Variants in PCCA observed in about 807,000 individuals in gnomAD.
PCCA encodes the protein propionyl-CoA carboxylase alpha chain, mitochondrial.
Under a neutral mutation model 101.3 loss-of-function variants are expected in PCCA, and 74 were observed. The observed-to-expected ratio is 0.73, with a 90% CI of 0.61 to 0.89. The LOEUF is 0.89. PCCA is among the 40% of genes least tolerant of loss of function. The probability of loss-of-function intolerance (pLI) is 0.00; values close to 1 mark genes in which losing one functional copy is unlikely to be tolerated. For missense variants in PCCA, 891 were observed against 907.0 expected, an observed-to-expected ratio of 0.98 and a Z score of 0.23; for synonymous variants, 294 against 313.6, an observed-to-expected ratio of 0.94 and a Z score of 0.66.
intron 6 of PCCA, among the ~76,000 whole-genome samples, chr13:100,185,724 C>T (rs932386174): frequency 4.6e-5 from 7 of 151,536 alleles, no homozygotes; most frequent in Non-Finnish European, 1.0e-4. Context: ...CTCGGCTCAC[C>T]GCAGCCTCCA....
At chr13:100,472,558 C>T (rs1277214018) in intron 21 of PCCA, among the ~76,000 whole-genome samples, 1 of 152,146 alleles carries the variant, frequency 6.6e-6, no homozygotes, top group Admixed American at 6.6e-5. Flanking sequence ...ACAGGGGAAC[C>T]ACCAGTGTGG....
At chr13:100,395,288 T>A (rs1384888208) in intron 19 of PCCA, among the ~76,000 whole-genome samples, 1 of 152,220 alleles carries the variant, frequency 6.6e-6, no homozygotes, top group African/African-American at 2.4e-5. Flanking sequence ...ATCTGTAGGC[T>A]TATATTTCTG....
At chr13:100,314,888 A>G (rs1056714359) in intron 16 of PCCA, among the ~76,000 whole-genome samples, 1 of 152,204 alleles carries the variant, frequency 6.6e-6, no homozygotes, top group Non-Finnish European at 1.5e-5. Flanking sequence ...AAGGGTCATA[A>G]GTGGGACAAT....
chr13:100,176,505 A>G (rs538794795), intron 6 of PCCA, among the ~76,000 whole-genome samples: 22 of 152,300 alleles, frequency 1.4e-4, no homozygotes, highest in African/African-American at 4.8e-4. Context: ...TGTTTGTATG[A>G]TACATCTACC....
At chr13:100,409,216 C>G (rs1199400470) in intron 19 of PCCA, among the ~76,000 whole-genome samples, 1 of 152,090 alleles carries the variant, frequency 6.6e-6, no homozygotes, top group Non-Finnish European at 1.5e-5. Context: ...CAGTTTCCTC[C>G]ACCCTCAGAA....
At chr13:100,529,806 G>C (rs556322953) in intron 23 of PCCA, among the ~76,000 whole-genome samples, 1 of 152,284 alleles carries the variant, frequency 6.6e-6, no homozygotes, top group Admixed American at 6.5e-5. Context: ...GTGCCAGAGC[G>C]CAGGCCACAG....
In PCCA at chr13:100,392,346, C is replaced by G. The variant is rs148038918; in HGVS notation, c.1746+23772C>G. ...CAGGCAGATATGCGTTGACAATTGC[C>G]TTTCATACACCTTAACAAACTAGTT... is the stretch of plus-strand genomic sequence containing the variant. On this transcript the variant is annotated intron_variant, in intron 19 of 23. Transcript: ENST00000376285. Among the ~76,000 whole-genome samples the G allele has an allele frequency of 1.9e-3, 283 of 152,264 alleles. 3 individuals are homozygous for G. Among genetic ancestry groups the G allele is most frequent in the African/African-American group, 6.4e-3 (268 of 41,552 alleles).
At position 100,437,248 on chromosome 13, in the gene PCCA, G is replaced by A. The variant is rs78704333; in HGVS notation, c.1845+11517G>A. On this transcript the variant is annotated intron_variant, in intron 20 of 23. Coordinates refer to ENST00000376285, the MANE Select transcript of PCCA (RefSeq NM_000282.4). ...AACCACCCGCACCTGCTTTAAGTAC[G>A]CTGCCTTTCTGACTTCAAGAAAATC... 3.7e-3 allele frequency among the ~76,000 whole-genome samples: 556 copies of A among 152,202 alleles called. 5 individuals carry two copies. The highest frequency in any genetic ancestry group is 0.013 in the African/African-American group (534 of 41,528).
chr13:100,264,173 G>A lies in PCCA; in HGVS notation c.819+1342G>A, dbSNP rs145586754. ...CGTATATATATGGTATCTGTATATC[G>A]TATATATGTGATATCTGTATATCAT... On this transcript the variant is annotated intron_variant, in intron 10 of 23. Coordinates refer to ENST00000376285, the MANE Select transcript of PCCA (RefSeq NM_000282.4). Among the ~76,000 whole-genome samples, 568 of 103,440 alleles carry A rather than the reference G, an allele frequency of 5.5e-3. 117 individuals carry two copies. Among genetic ancestry groups the A allele is most frequent in the African/African-American group, 0.019 (549 of 28,802 alleles). The allele number at this position is 103,440 out of a possible 152,430, so 67.9% of individuals were successfully genotyped here.
At chr13:100,504,391 G>A (rs1998467) in intron 21 of PCCA, among the ~76,000 whole-genome samples, 35,716 of 152,164 alleles carry the variant, frequency 0.23, 5,038 homozygotes, top group East Asian at 0.55. Context: ...CACTTCCAGT[G>A]GAGAGAGTCA....
chr13:100,232,724 AG>A lies in PCCA; in HGVS notation c.601-3115del, dbSNP rs76157750. On this transcript the variant is annotated intron_variant, in intron 7 of 23. Coordinates refer to ENST00000376285, the MANE Select transcript of PCCA (RefSeq NM_000282.4). ...CTTAGGTTTAAAATTTTACTCCAGA[AG>A]GGCCCTTTCTGAGCAGCCTGTCTGA... is the stretch of plus-strand genomic sequence containing the variant. Among the ~76,000 whole-genome samples the A allele has an allele frequency of 1.5e-3, 222 of 152,202 alleles. 2 individuals carry two copies. In the East Asian group the frequency reaches 0.04, roughly 27 times the overall value.
At chr13:100,311,198 A>C (rs536106655) in intron 16 of PCCA, among the ~76,000 whole-genome samples, 2 of 152,100 alleles carry the variant, frequency 1.3e-5, no homozygotes, top group East Asian at 1.9e-4. Context: ...ACGCCACTGC[A>C]TGCCAGCCTA....
chr13:100,448,676 T>C (rs1224488771), intron 20 of PCCA, among the ~76,000 whole-genome samples: 1 of 152,246 alleles, frequency 6.6e-6, no homozygotes, highest in Non-Finnish European at 1.5e-5. Flanking sequence ...GTAAACAAAT[T>C]TTATTTATAA....
intron 22 of PCCA, among the ~76,000 whole-genome samples, chr13:100,522,243 A>G (rs1259823710): frequency 6.6e-6 from 1 of 152,208 alleles, no homozygotes; most frequent in African/African-American, 2.4e-5. Flanking sequence ...ATTATTTTGT[A>G]TAATCTGGCG....
intron 21 of PCCA, among the ~76,000 whole-genome samples, chr13:100,510,445 A>T (rs2086395589): frequency 6.6e-6 from 1 of 152,198 alleles, no homozygotes; most frequent in African/African-American, 2.4e-5. Context: ...TGTTTGTCCT[A>T]ATTCATATGC....
intron 18 of PCCA, among the ~76,000 whole-genome samples, chr13:100,342,807 GAAT>G (rs2071584716): frequency 6.6e-6 from 1 of 151,190 alleles, no homozygotes; most frequent in Non-Finnish European, 1.5e-5. Flanking sequence ...CTGCAGCCTT[GAAT>G]TCCTGGGCTA....
intron 4 of PCCA, chr13:100,151,045 A>T (rs1162849441): frequency 6.4e-7 from 1 of 1,557,520 alleles, no homozygotes; most frequent in Admixed American, 1.7e-5. Context: ...AGCGCATGAC[A>T]TCAGACTGCT....
chr13:100,497,585 C>T (rs1188694531), intron 21 of PCCA, among the ~76,000 whole-genome samples: 1 of 151,964 alleles, frequency 6.6e-6, no homozygotes, highest in African/African-American at 2.4e-5. Flanking sequence ...TGCAATTCTG[C>T]AAGAGTCTTC....
chr13:100,289,864 C>G lies in PCCA; in HGVS notation c.1066-11596C>G, dbSNP rs183307115. 2.8e-4 allele frequency among the ~76,000 whole-genome samples: 43 copies of G among 152,186 alleles called. No individual in the cohort carries two copies. In the East Asian group the frequency reaches 5.0e-3, roughly 18 times the overall value. On this transcript the variant is annotated intron_variant, in intron 12 of 23. Transcript: ENST00000376285. ...ATGTATACAGCCCAGACACATCTTT[C>G]ATTATTTGCTATATCTTCAGCTTTC...
Sources: allele counts gnomAD v4.1 joint callset (sites outside exome capture counted in the v4.1 genomes callset), GRCh38; gene constraint gnomAD v4.1.1; transcripts MANE v1.5; gene names NCBI Gene and HGNC (gene_info 2026-07-23, HGNC 2026-07-21).